Variants in TCF4 observed in about 807,000 individuals in gnomAD.
TCF4 encodes SL3-3 enhancer factor 2.
Under a neutral mutation model 82.1 loss-of-function variants are expected in TCF4, and 3 were observed. The observed-to-expected ratio is 0.04, with a 90% CI of 0.02 to 0.09. The LOEUF is 0.09. Ranked by LOEUF, TCF4 falls within the 10% of genes least tolerant of loss-of-function variation. The pLI is 1.00. For missense variants in TCF4, 518 were observed against 852.7 expected (o/e 0.61, Z 4.89); for synonymous variants, 276 against 309.6 (o/e 0.89, Z 1.14).
At chr18:55,373,974 A>G (rs2090061600) in intron 6 of TCF4, among the ~76,000 whole-genome samples, 1 of 152,200 alleles carries the variant, frequency 6.6e-6, no homozygotes. Context: ...CAATAAAATT[A>G]AATAGTAAAA....
intron 3 of TCF4, among the ~76,000 whole-genome samples, chr18:55,531,985 G>C (rs2097068783): frequency 6.6e-6 from 1 of 152,162 alleles, no homozygotes; most frequent in African/African-American, 2.4e-5. Context: ...AACTTGCATA[G>C]GATGCAAATG....
intron 8 of TCF4, among the ~76,000 whole-genome samples, chr18:55,323,567 G>T (rs949164318): frequency 1.3e-5 from 2 of 152,168 alleles, no homozygotes; most frequent in African/African-American, 4.8e-5. Context: ...TGTGTAAACA[G>T]TACTTGAATT....
chr18:55,340,509 G>A (rs1007917705), intron 8 of TCF4, among the ~76,000 whole-genome samples: 1 of 150,808 alleles, frequency 6.6e-6, no homozygotes, highest in African/African-American at 2.4e-5. Flanking sequence ...GCTTGAGCCT[G>A]GGAGTTTGAG....
At chr18:55,524,339 C>T (rs1007546176) in intron 3 of TCF4, among the ~76,000 whole-genome samples, 2 of 151,926 alleles carry the variant, frequency 1.3e-5, no homozygotes, top group South Asian at 2.1e-4. Context: ...AAGATGCTTT[C>T]ATACACATTA....
chr18:55,430,188 T>C (rs532276322), intron 5 of TCF4, among the ~76,000 whole-genome samples: 1 of 152,164 alleles, frequency 6.6e-6, no homozygotes, highest in African/African-American at 2.4e-5. Flanking sequence ...GGCACTCTTA[T>C]CTCTATCAAT....
chr18:55,351,698 A>C, intron 6 of TCF4: 1 of 350,590 alleles, frequency 2.9e-6, no homozygotes, highest in Non-Finnish European at 4.0e-6. Flanking sequence ...CTTCCACAAT[A>C]ACCTATCACA....
intron 8 of TCF4, among the ~76,000 whole-genome samples, chr18:55,305,319 T>C (rs1602059614): frequency 6.6e-6 from 1 of 152,158 alleles, no homozygotes; most frequent in East Asian, 1.9e-4. Flanking sequence ...ACTACAATTT[T>C]TCGATCTAAG....
At chr18:55,434,673 C>T (rs12969553) in intron 5 of TCF4, among the ~76,000 whole-genome samples, 80,183 of 150,520 alleles carry the variant, frequency 0.53, 22,721 homozygotes, top group South Asian at 0.63. Flanking sequence ...ATGATCTGCC[C>T]GCCTTGGCCT....
chr18:55,519,694 A>T (rs1254486574), intron 3 of TCF4, among the ~76,000 whole-genome samples: 1 of 152,128 alleles, frequency 6.6e-6, no homozygotes, highest in Non-Finnish European at 1.5e-5. Flanking sequence ...GAATTGAGAT[A>T]CTCTAGGACC....
chr18:55,398,661 A>T (rs17594721), intron 6 of TCF4, among the ~76,000 whole-genome samples: 7 of 152,148 alleles, frequency 4.6e-5, no homozygotes, highest in African/African-American at 1.7e-4. Flanking sequence ...CATGAAAAAG[A>T]TGCTCACAAT....
chr18:55,630,132 A>G (rs1334901445), intron 2 of TCF4, among the ~76,000 whole-genome samples: 1 of 152,226 alleles, frequency 6.6e-6, no homozygotes, highest in Admixed American at 6.5e-5. Context: ...AAAAATTACT[A>G]TATCATTAAT....
At chr18:55,598,845 A>T (rs1276008212) in intron 2 of TCF4, among the ~76,000 whole-genome samples, 1 of 152,200 alleles carries the variant, frequency 6.6e-6, no homozygotes, top group African/African-American at 2.4e-5. Context: ...TTTTCTCTCA[A>T]CTCAGCCCAA....
chr18:55,362,341 GGAAGGA>G (rs2085449454), intron 6 of TCF4, among the ~76,000 whole-genome samples: 5 of 56,706 alleles, frequency 8.8e-5, no homozygotes, highest in African/African-American at 3.4e-4. Context: ...AAAAAAAAGA[GGAAGGA>G]AGGAAGGAAG....
intron 6 of TCF4, among the ~76,000 whole-genome samples, chr18:55,380,431 C>T (rs1603425808): frequency 6.6e-6 from 1 of 152,094 alleles, no homozygotes; most frequent in Non-Finnish European, 1.5e-5. Context: ...TCCCCCACCG[C>T]TGACAGGCCC....
rs1387567378 is a variant in TCF4 at position 55,224,890 on chromosome 18, C to T, written c.*3145G>A. 1.3e-5 allele frequency: 2 copies of T among 152,430 alleles called. No homozygotes were observed. Among genetic ancestry groups the T allele is most frequent in the African/African-American group, 4.8e-5 (2 of 41,406 alleles). 9.4% of individuals were successfully genotyped at this position (152,430 alleles called of 1,614,324 possible). On this transcript the variant is annotated 3_prime_UTR_variant, in exon 20 of 20. Transcript: ENST00000354452. ...AAAGTCCGAGTTTCTGAAAGAGATC[C>T]CCAGCCTAAGTGTCGTCATACAGAT...
intron 11 of TCF4, chr18:55,269,313 CCT>C (rs1157004112): frequency 6.1e-6 from 1 of 163,028 alleles, no homozygotes; most frequent in Non-Finnish European, 1.4e-5. Flanking sequence ...TACTTCTTCC[CCT>C]CTGAGGGACT....
At chr18:55,442,016 T>C (rs1176583554) in intron 5 of TCF4, among the ~76,000 whole-genome samples, 3 of 152,232 alleles carry the variant, frequency 2.0e-5, no homozygotes, top group Non-Finnish European at 4.4e-5. Flanking sequence ...GATTTTCTTA[T>C]AGCACTAATG....
chr18:55,402,272 A>C (rs997204275), intron 6 of TCF4: 22 of 973,042 alleles, frequency 2.3e-5, no homozygotes, highest in Non-Finnish European at 2.6e-5. Flanking sequence ...GGGAAAAAAC[A>C]AACACACCAA....
At chr18:55,353,357 G>A (rs542038741) in intron 6 of TCF4, among the ~76,000 whole-genome samples, 2 of 152,246 alleles carry the variant, frequency 1.3e-5, no homozygotes, top group Admixed American at 6.5e-5. Flanking sequence ...ATATGCAGGC[G>A]CAAGGACTAT....
Sources: gnomAD v4.1 joint callset for allele counts (sites outside exome capture counted in the v4.1 genomes callset) on GRCh38, gnomAD v4.1.1 for gene constraint, MANE v1.5 for transcripts, NCBI Gene and HGNC (gene_info 2026-07-23, HGNC 2026-07-21) for gene names.